Variants in B4GALT6 observed in about 807,000 individuals in gnomAD.
B4GALT6 encodes the protein UDP-Gal:beta-GlcNAc beta-1,4-galactosyltransferase 6.
B4GALT6 carries 14 observed loss-of-function variants against 46.3 expected under a neutral mutation model. The observed-to-expected ratio is 0.30, with a 90% CI of 0.20 to 0.47. B4GALT6 has a LOEUF of 0.47. Ranked by LOEUF, B4GALT6 falls within the 20% of genes least tolerant of loss-of-function variation. The pLI, the probability that B4GALT6 is intolerant of heterozygous loss-of-function variation, is 0.99. For missense variants in B4GALT6, 386 were observed against 480.1 expected, an observed-to-expected ratio of 0.80 and a Z score of 1.83; for synonymous variants, 168 against 162.0, an observed-to-expected ratio of 1.04 and a Z score of -0.28.
intron 2 of B4GALT6, among the ~76,000 whole-genome samples, chr18:31,658,925 A>T (rs143381929): frequency 3.5e-4 from 53 of 152,324 alleles, no homozygotes; most frequent in Middle Eastern, 3.4e-3. Flanking sequence ...AGACAGTCAC[A>T]GGCTCAGGAT....
chr18:31,670,757 CTTTT>C (rs1024740598), intron 1 of B4GALT6, among the ~76,000 whole-genome samples: 5 of 152,002 alleles, frequency 3.3e-5, no homozygotes, highest in Non-Finnish European at 7.4e-5. Context: ...AATGTAATGT[CTTTT>C]TTTTATTATT....
the B4GALT6 span, among the ~76,000 whole-genome samples, chr18:31,719,577 G>C: frequency 6.6e-6 from 1 of 152,154 alleles, no homozygotes; most frequent in Non-Finnish European, 1.5e-5. Context: ...CCAAGACAGG[G>C]GGATTTCAAT....
In B4GALT6 at chr18:31,625,713, C is replaced by A. The variant is rs1240028459; in HGVS notation, c.1050G>T (p.Leu350=). Residue 350 remains leucine (L), a synonymous_variant, in exon 9 of 9, where the codon CTG becomes CTT. Transcript: ENST00000306851. ...TTTTTGGCCTATATATTAAATTGTT[C>A]AGTCCATCGATGTACTGACGCTCCT... ...YSKERQYIDG[L]NNLIYRPKIL... 2 of 1,613,290 alleles carry A rather than the reference C, an allele frequency of 1.2e-6. No homozygotes were observed. Among genetic ancestry groups the A allele is most frequent in the East Asian group, 4.5e-5 (2 of 44,854 alleles).
the B4GALT6 span, among the ~76,000 whole-genome samples, chr18:31,721,869 T>C: frequency 1.8e-4 from 28 of 152,242 alleles, no homozygotes; most frequent in East Asian, 4.6e-3. Context: ...TTTCTCTCTC[T>C]CTCTCTCTCT....
chr18:31,631,361 C>T (rs1302526645), intron 5 of B4GALT6, among the ~76,000 whole-genome samples: 1 of 151,954 alleles, frequency 6.6e-6, no homozygotes, highest in East Asian at 1.9e-4. Flanking sequence ...CCCCATCTGA[C>T]TTTTTTCTAT....
rs1220528831 is a variant in B4GALT6 at position 31,625,356 on chromosome 18, G to C, written c.*258C>G. ...TTAGTATAAAAATTTTCTCTTCGGAGGGAGCTCTCTTAACTTCCGATCTTA... is the reference window on the plus strand; with the variant it reads ...TTAGTATAAAAATTTTCTCTTCGGACGGAGCTCTCTTAACTTCCGATCTTA... On this transcript the variant is annotated 3_prime_UTR_variant, in exon 9 of 9. Coordinates refer to ENST00000306851, the MANE Select transcript of B4GALT6 (RefSeq NM_004775.5). 1.3e-5 allele frequency: 5 copies of C among 381,218 alleles called. No homozygotes were observed. The highest frequency in any genetic ancestry group is 1.8e-5 in the Non-Finnish European group (4 of 216,798). 23.6% of individuals were successfully genotyped at this position (381,218 alleles called of 1,614,324 possible). A position where few individuals can be genotyped will look rare whatever the true frequency, so the allele number is the denominator to read the frequency against.
At position 31,665,807 on chromosome 18, in the gene B4GALT6, T is replaced by C. The variant is rs76371771; in HGVS notation, c.232+449A>G. 4.3e-4 allele frequency among the ~76,000 whole-genome samples: 65 copies of C among 152,292 alleles called. No homozygotes were observed. In the East Asian group the frequency reaches 0.011, roughly 27 times the overall value. ...TTCCAATTTTATAAAATTTCTCCTTTAGCTCCTTAAAAAGGCCATAACACT... is the reference window on the plus strand; with the variant it reads ...TTCCAATTTTATAAAATTTCTCCTTCAGCTCCTTAAAAAGGCCATAACACT... On this transcript the variant is annotated intron_variant, in intron 2 of 8. Coordinates refer to ENST00000306851, the MANE Select transcript of B4GALT6 (RefSeq NM_004775.5).
the B4GALT6 span, among the ~76,000 whole-genome samples, chr18:31,712,287 A>ATGTTTTTTTT: frequency 1.2e-5 from 1 of 84,642 alleles, no homozygotes; most frequent in Non-Finnish European, 2.1e-5. Flanking sequence ...CTGGGACGTT[A>ATGTTTTTTTT]TTTTTTTTTT....
chr18:31,668,096 CAAA>C (rs111596996), intron 1 of B4GALT6, among the ~76,000 whole-genome samples: 3 of 75,728 alleles, frequency 4.0e-5, no homozygotes, highest in Admixed American at 1.5e-4. Context: ...GACTCCATCT[CAAA>C]AAAAAAAAAA....
intron 6 of B4GALT6, 149 bp downstream of exon 6, chr18:31,630,810 G>A: frequency 1.2e-6 from 1 of 807,280 alleles, no homozygotes; most frequent in Non-Finnish European, 1.9e-6. Context: ...TCTGTGTCCT[G>A]GCTCCCCAGG....
chr18:31,683,989 C>A (rs972607782), intron 1 of B4GALT6, among the ~76,000 whole-genome samples: 5 of 152,142 alleles, frequency 3.3e-5, no homozygotes, highest in Admixed American at 2.0e-4. Flanking sequence ...AAAGACTTAA[C>A]ATTAAATGGA....
upstream of B4GALT6, among the ~76,000 whole-genome samples, chr18:31,688,091 A>T (rs2029988048): frequency 6.6e-6 from 1 of 152,076 alleles, no homozygotes; most frequent in Non-Finnish European, 1.5e-5. Flanking sequence ...TATCTGTTTA[A>T]ATGCATAGTC....
chr18:31,627,012 CA>C lies in B4GALT6; in HGVS notation c.885del (p.Asp295GlufsTer14). On this transcript the variant is annotated frameshift_variant, in exon 7 of 9. Coordinates refer to ENST00000306851, the MANE Select transcript of B4GALT6 (RefSeq NM_004775.5). LOFTEE classifies it high-confidence loss of function. The part of the protein sequence containing the change: ...NAFWGWGGED[D>X]DLWNRVHYAG... ...ACCTCAACATACCTGTTCCAAAGGTCATCATCTTCTCCTCCCCATCCCCAGA... is the reference window on the plus strand; with the variant it reads ...ACCTCAACATACCTGTTCCAAAGGTCTCATCTTCTCCTCCCCATCCCCAGA... The C allele has an allele frequency of 1.2e-6, 2 of 1,610,148 alleles. No individual in the cohort carries two copies. The highest frequency in any genetic ancestry group is 1.7e-6 in the Non-Finnish European group (2 of 1,178,690).
At chr18:31,702,496 G>GA in the B4GALT6 span, among the ~76,000 whole-genome samples, 1 of 152,314 alleles carries the variant, frequency 6.6e-6, no homozygotes. Flanking sequence ...CTAAGCTCCA[G>GA]AAAATCATAC....
At chr18:31,690,146 T>C (rs112385817), upstream of B4GALT6, among the ~76,000 whole-genome samples, 6 of 152,234 alleles carry the variant, frequency 3.9e-5, no homozygotes, top group South Asian at 2.1e-4. Flanking sequence ...GTCTGTTTTA[T>C]TGAGACAGAC....
the B4GALT6 span, among the ~76,000 whole-genome samples, chr18:31,694,411 A>G: frequency 6.6e-6 from 1 of 152,208 alleles, no homozygotes; most frequent in Non-Finnish European, 1.5e-5. Flanking sequence ...CCTTACCCAG[A>G]ACACAAATGT....
At chr18:31,685,330 C>T (rs543048676), upstream of B4GALT6, among the ~76,000 whole-genome samples, 506 of 151,640 alleles carry the variant, frequency 3.3e-3, 5 homozygotes, top group African/African-American at 0.011. Flanking sequence ...GCCGGAAGAG[C>T]AGAGGCCGAG....
intron 3 of B4GALT6, among the ~76,000 whole-genome samples, chr18:31,646,132 A>C (rs992096097): frequency 6.6e-6 from 1 of 152,228 alleles, no homozygotes; most frequent in Non-Finnish European, 1.5e-5. Context: ...TAAGAGAGGG[A>C]ATTTGCAAAC....
the B4GALT6 span, among the ~76,000 whole-genome samples, chr18:31,695,115 CT>C: frequency 1.3e-5 from 2 of 151,984 alleles, no homozygotes; most frequent in African/African-American, 4.8e-5. Flanking sequence ...GCAGGACTGA[CT>C]TTTTTCCTAT....
Sources: gnomAD v4.1 joint callset for allele counts (sites outside exome capture counted in the v4.1 genomes callset) on GRCh38, gnomAD v4.1.1 for gene constraint, MANE v1.5 for transcripts, NCBI Gene and HGNC (gene_info 2026-07-23, HGNC 2026-07-21) for gene names.